NUSAP1: variants seen among roughly 807,000 people sequenced by gnomAD.
NUSAP1 encodes nucleolar and spindle associated protein 1, also known as nucleolar and spindle-associated protein 1.
Under a neutral mutation model 52.8 loss-of-function variants are expected in NUSAP1, and 32 were observed. The ratio of observed to expected loss-of-function variants is 0.61; its 90% CI spans 0.46 to 0.81. NUSAP1 has a LOEUF of 0.81. Among genes scored for constraint, NUSAP1 ranks in the 40% least tolerant of loss-of-function variants. The probability of loss-of-function intolerance (pLI) is 0.00; values close to 1 mark genes in which losing one functional copy is unlikely to be tolerated. For synonymous variants in NUSAP1, 195 were observed against 183.1 expected (o/e 1.06, Z -0.52); for missense variants, 499 against 522.3 (o/e 0.96, Z 0.43).
intron 2 of NUSAP1, among the ~76,000 whole-genome samples, 186 bp from the exon 3 acceptor site, chr15:41,348,912 C>T (rs1383451159): frequency 1.3e-5 from 2 of 152,088 alleles, no homozygotes; most frequent in Non-Finnish European, 2.9e-5. Flanking sequence ...GGATTACAGG[C>T]GTGAGCCACT....
intron 7 of NUSAP1, among the ~76,000 whole-genome samples, chr15:41,370,290 G>C (rs2049614704): frequency 6.6e-6 from 1 of 151,528 alleles, no homozygotes. Flanking sequence ...GCTGAGGCAG[G>C]AGAATGGTGT....
intron 10 of NUSAP1, among the ~76,000 whole-genome samples, chr15:41,379,884 G>T (rs1275141112): frequency 6.6e-6 from 1 of 152,112 alleles, no homozygotes; most frequent in Non-Finnish European, 1.5e-5. Flanking sequence ...TTAACAAAAG[G>T]AAAATACCAG....
At chr15:41,348,412 GT>G (rs2048660610) in intron 2 of NUSAP1, among the ~76,000 whole-genome samples, 2 of 152,086 alleles carry the variant, frequency 1.3e-5, no homozygotes, top group South Asian at 4.1e-4. Context: ...TAGAGATGGG[GT>G]TTTGCCATGT....
chr15:41,362,122 G>A lies in NUSAP1; in HGVS notation c.661-3280G>A, dbSNP rs182357120. On this transcript the variant is annotated intron_variant, in intron 6 of 10. Coordinates refer to ENST00000559596, the MANE Select transcript of NUSAP1 (RefSeq NM_016359.5). ...CCCACCTACTTGGGAGGCTGAGGTG[G>A]GAGGGTTGCTTGAGCCCAGGAGTCA... 6.6e-5 allele frequency among the ~76,000 whole-genome samples: 10 copies of A among 152,212 alleles called. No individual in the cohort carries two copies. The East Asian group carries it at 1.9e-3, about 29-fold the overall frequency.
At chr15:41,377,350 G>GC (rs1162770463) in intron 10 of NUSAP1, 46 bp downstream of exon 10, 13 of 1,070,264 alleles carry the variant, frequency 1.2e-5, no homozygotes, top group Non-Finnish European at 1.6e-5. Context: ...AATTTCAAAA[G>GC]CAGCACCTCT....
rs558892434 is a variant in NUSAP1 at position 41,352,671 on chromosome 15, C to CT, written c.448+1543dup. 2.0e-3 allele frequency among the ~76,000 whole-genome samples: 297 copies of CT among 152,176 alleles called. 1 individual carries two copies. The highest frequency in any genetic ancestry group is 7.0e-3 in the African/African-American group (289 of 41,522). On this transcript the variant is annotated intron_variant, in intron 4 of 10. Coordinates refer to ENST00000559596, the MANE Select transcript of NUSAP1 (RefSeq NM_016359.5). The stretch of plus-strand genomic sequence containing the variant: ...TGGCACGATCTCAGCTCACTGCAGC[C>CT]TCAGCCTCCTGAGTACCTGGGACTA...
At chr15:41,333,089 C>A in intron 1 of NUSAP1, 39 bp downstream of exon 1, 1 of 1,489,170 alleles carries the variant, frequency 6.7e-7, no homozygotes, top group East Asian at 2.4e-5. Context: ...GCGGGCGCGG[C>A]GGGAATAGCG....
chr15:41,334,081 C>T (rs1206599381), intron 1 of NUSAP1, among the ~76,000 whole-genome samples: 4 of 151,844 alleles, frequency 2.6e-5, no homozygotes, highest in Non-Finnish European at 5.9e-5. Flanking sequence ...TGAGTAAATG[C>T]TTAAATCAAT....
At chr15:41,378,445 C>T (rs2050062960) in intron 10 of NUSAP1, among the ~76,000 whole-genome samples, 1 of 152,160 alleles carries the variant, frequency 6.6e-6, no homozygotes, top group South Asian at 2.1e-4. Context: ...GGTTACCTGT[C>T]AGTTGACTCA....
chr15:41,357,782 A>G (rs2049027184), intron 5 of NUSAP1, among the ~76,000 whole-genome samples: 1 of 152,136 alleles, frequency 6.6e-6, no homozygotes, highest in African/African-American at 2.4e-5. Flanking sequence ...TTATAGAATA[A>G]ATTTGTCAGT....
intron 7 of NUSAP1, 83 bp from the exon 8 acceptor site, chr15:41,371,444 T>C: frequency 1.7e-6 from 2 of 1,179,796 alleles, no homozygotes; most frequent in Non-Finnish European, 2.3e-6. Context: ...TGCTTGCTAA[T>C]AGTCAAGTGG....
At chr15:41,374,565 G>C (rs1168417907) in intron 8 of NUSAP1, among the ~76,000 whole-genome samples, 1 of 152,058 alleles carries the variant, frequency 6.6e-6, no homozygotes, top group Non-Finnish European at 1.5e-5. Flanking sequence ...CAGTCTCACT[G>C]TCGCCAGGCT....
intron 3 of NUSAP1, 67 bp from the exon 4 acceptor site, chr15:41,350,921 C>T: frequency 1.4e-6 from 2 of 1,398,086 alleles, no homozygotes; most frequent in South Asian, 1.3e-5. Flanking sequence ...CACTTTGGTA[C>T]TTATCTTTGG....
chr15:41,362,103 T>C (rs1036252872), intron 6 of NUSAP1, among the ~76,000 whole-genome samples: 1 of 152,082 alleles, frequency 6.6e-6, no homozygotes, highest in Non-Finnish European at 1.5e-5. Context: ...TTATCCCACC[T>C]ACTTGGGAGG....
In NUSAP1 at chr15:41,353,832, C is replaced by G. The variant is rs537933206; in HGVS notation, c.449-2207C>G. Among the ~76,000 whole-genome samples the G allele has an allele frequency of 1.1e-3, 167 of 152,246 alleles. 1 individual carries two copies. Among genetic ancestry groups the G allele is most frequent in the African/African-American group, 3.9e-3 (161 of 41,564 alleles). ...TCCTATTCTCAACGTCCTCCACTCC[C>G]TCTTATGCACCCTACACTTCAGCAA... On this transcript the variant is annotated intron_variant, in intron 4 of 10. Coordinates refer to ENST00000559596, the MANE Select transcript of NUSAP1 (RefSeq NM_016359.5).
chr15:41,372,886 A>T (rs1381926822), intron 8 of NUSAP1, among the ~76,000 whole-genome samples: 1 of 152,074 alleles, frequency 6.6e-6, no homozygotes, highest in African/African-American at 2.4e-5. Flanking sequence ...TCAGAATTTC[A>T]AGACCAGCCT....
chr15:41,357,801 T>TA (rs1213922992), intron 5 of NUSAP1, among the ~76,000 whole-genome samples: 1 of 152,182 alleles, frequency 6.6e-6, no homozygotes, highest in African/African-American at 2.4e-5. Flanking sequence ...GTCCTTGACA[T>TA]ACAGCATTAT....
chr15:41,351,193 G>T (rs942820769), intron 4 of NUSAP1, 64 bp downstream of exon 4: 2 of 1,526,480 alleles, frequency 1.3e-6, no homozygotes, highest in African/African-American at 1.4e-5. Context: ...AAGTAGCCAG[G>T]TACATTAATT....
At chr15:41,363,573 A>G (rs891890349) in intron 6 of NUSAP1, among the ~76,000 whole-genome samples, 2 of 151,978 alleles carry the variant, frequency 1.3e-5, no homozygotes, top group Admixed American at 6.6e-5. Context: ...AGGCCTCCCT[A>G]TGTTGTCCAG....
Sources: gnomAD v4.1 joint callset for allele counts (sites outside exome capture counted in the v4.1 genomes callset) on GRCh38, gnomAD v4.1.1 for gene constraint, MANE v1.5 for transcripts, NCBI Gene and HGNC (gene_info 2026-07-23, HGNC 2026-07-21) for gene names.